Variants in CCDC14 observed in about 807,000 individuals in gnomAD.
The protein encoded by CCDC14 is coiled-coil domain containing 14.
In CCDC14, 71 loss-of-function variants were observed where a neutral mutation model predicts 81.4. The ratio of observed to expected loss-of-function variants is 0.87; its 90% CI spans 0.72 to 1.06. The LOEUF is 1.06. Ranked by LOEUF, CCDC14 falls within the 50% of genes least tolerant of loss-of-function variation. CCDC14 has a pLI of 0.00. For synonymous variants in CCDC14, 332 were observed against 364.8 expected (o/e 0.91, Z 1.03); for missense variants, 1,046 against 1,047.3 (o/e 1.00, Z 0.02).
At chr3:123,908,128 T>G (rs774024660) in intron 5 of CCDC14, among the ~76,000 whole-genome samples, 8 of 151,934 alleles carry the variant, frequency 5.3e-5, no homozygotes, top group Admixed American at 5.2e-4. Flanking sequence ...GATATTAGTA[T>G]GAAAGAAAGA....
intron 9 of CCDC14, among the ~76,000 whole-genome samples, chr3:123,943,790 AG>A (rs2036485409): frequency 6.6e-6 from 1 of 152,178 alleles, no homozygotes; most frequent in South Asian, 2.1e-4. Flanking sequence ...AGCTTTCTAG[AG>A]GGTGGTGCAC....
chr3:123,916,888 G>A (rs1463180979), intron 12 of CCDC14, among the ~76,000 whole-genome samples: 1 of 151,850 alleles, frequency 6.6e-6, no homozygotes, highest in Non-Finnish European at 1.5e-5. Flanking sequence ...CACCCAGGCT[G>A]GAGTGCAGTG....
chr3:123,905,514 A>G (rs2034288127), intron 5 of CCDC14, among the ~76,000 whole-genome samples: 1 of 152,112 alleles, frequency 6.6e-6, no homozygotes, highest in Non-Finnish European at 1.5e-5. Context: ...TCCCAATCCT[A>G]TGGGAGGAAG....
At chr3:123,900,562 G>A (rs947646878) in intron 5 of CCDC14, among the ~76,000 whole-genome samples, 1 of 152,190 alleles carries the variant, frequency 6.6e-6, no homozygotes, top group African/African-American at 2.4e-5. Flanking sequence ...CCAGCGACTG[G>A]ACGTTCTATC....
At chr3:123,955,738 T>A in intron 5 of CCDC14, 105 bp downstream of exon 5, 1 of 1,077,530 alleles carries the variant, frequency 9.3e-7, no homozygotes, top group Non-Finnish European at 1.3e-6. Flanking sequence ...TAAACCTAAC[T>A]AATACTGATT....
chr3:123,943,217 A>G (rs2036451627), intron 9 of CCDC14, among the ~76,000 whole-genome samples: 2 of 152,018 alleles, frequency 1.3e-5, no homozygotes, highest in Non-Finnish European at 2.9e-5. Flanking sequence ...TTATTTGTTA[A>G]GCAGTCAAAA....
intron 8 of CCDC14, 134 bp downstream of exon 8, chr3:123,946,669 G>C: frequency 2.4e-6 from 2 of 850,022 alleles, no homozygotes; most frequent in Non-Finnish European, 1.8e-6. Context: ...ACAATAAGTA[G>C]AACTCATTTT....
chr3:123,906,472 T>A (rs58980351), intron 5 of CCDC14, among the ~76,000 whole-genome samples: 19,562 of 145,030 alleles, frequency 0.13, 2,920 homozygotes, highest in East Asian at 0.48. Flanking sequence ...GGAAGTGTAA[T>A]AGAAATCATA....
At position 123,944,904 on chromosome 3, in the gene CCDC14, C is replaced by A; in HGVS notation, c.1288G>T (p.Val430Phe). 1 of 1,612,308 alleles carries A rather than the reference C, an allele frequency of 6.2e-7. No individual in the cohort carries two copies. ...PTVSGNTDIQ[V>F]EIALAMQPLR... ...GGTTGCATGGCCAGTGCTATCTCAA[C>A]TTGAATATCTGTGTTTCCACTTACT... The change falls in exon 9 of 13, where the codon GTT (valine) becomes TTT (phenylalanine). Residue 430 changes from valine (V) to phenylalanine (F), a missense_variant. Transcript: ENST00000409697.
intron 5 of CCDC14, among the ~76,000 whole-genome samples, chr3:123,907,191 G>A (rs1043100208): frequency 6.6e-6 from 1 of 152,074 alleles, no homozygotes; most frequent in African/African-American, 2.4e-5. Flanking sequence ...CTTTCTTGAT[G>A]ACTCTTTTTT....
chr3:123,930,241 T>C (rs1316386756), intron 12 of CCDC14, among the ~76,000 whole-genome samples: 1 of 152,238 alleles, frequency 6.6e-6, no homozygotes, highest in Non-Finnish European at 1.5e-5. Flanking sequence ...TATTACTGTT[T>C]CATTTGCTTC....
intron 5 of CCDC14, among the ~76,000 whole-genome samples, chr3:123,908,340 C>A (rs193262375): frequency 6.6e-6 from 1 of 152,242 alleles, no homozygotes; most frequent in Non-Finnish European, 1.5e-5. Context: ...CTAGGCCCTT[C>A]AAAGGCACAC....
At chr3:123,911,929 G>C (rs140321760), downstream of CCDC14, among the ~76,000 whole-genome samples, 74 of 152,246 alleles carry the variant, frequency 4.9e-4, no homozygotes, top group Middle Eastern at 3.4e-3. Context: ...AAAGGTTTCT[G>C]AAAGATTTAC....
At position 123,900,045 on chromosome 3, in the gene CCDC14, C is replaced by T. The variant is rs142769386; in HGVS notation, c.668-2432G>A. On this transcript the variant is annotated intron_variant, in intron 5 of 5. Transcript: ENST00000479903. Reference sequence around the variant, plus strand: ...TGTGTATCCTCAAATAGACTGCAAGCCTTTGAGGACAAGGACTAGGTCTGG... The same window carrying T: ...TGTGTATCCTCAAATAGACTGCAAGTCTTTGAGGACAAGGACTAGGTCTGG... Among the ~76,000 whole-genome samples the T allele has an allele frequency of 6.0e-4, 92 of 152,280 alleles. 2 individuals are homozygous for T. In the South Asian group the frequency reaches 0.011, roughly 18 times the overall value.
downstream of CCDC14, among the ~76,000 whole-genome samples, chr3:123,910,207 T>A (rs1032261903): frequency 1.3e-5 from 2 of 152,094 alleles, no homozygotes; most frequent in African/African-American, 4.8e-5. Context: ...AATGACAATG[T>A]GAATATTATT....
chr3:123,886,077 A>G, the CCDC14 span, among the ~76,000 whole-genome samples: 2 of 151,934 alleles, frequency 1.3e-5, no homozygotes, highest in Non-Finnish European at 2.9e-5. Context: ...AAATTGTCCC[A>G]TCTTTGGCCA....
chr3:123,914,943 C>T lies in CCDC14; in HGVS notation c.2554G>A (p.Asp852Asn). ...SLQVKGNTVCDGSVFTSDLMS... is the reference protein window; with the variant it reads ...SLQVKGNTVCNGSVFTSDLMS... ...AAGTCAGAAGTGAAAACACTACCATCACAGACAGTATTGCCTTTCACTTGA... is the reference window on the plus strand; with the variant it reads ...AAGTCAGAAGTGAAAACACTACCATTACAGACAGTATTGCCTTTCACTTGA... Residue 852 changes from aspartate to asparagine, a missense_variant, in exon 13 of 13, where the codon GAT (aspartate) becomes AAT (asparagine). Asp to Asn is a conservative substitution (Grantham distance 23). Coordinates refer to ENST00000409697, the MANE Select transcript of CCDC14 (RefSeq NM_001366335.1). 6.2e-7 allele frequency: 1 copy of T among 1,614,060 alleles called. No individual in the cohort carries two copies. The highest frequency in any genetic ancestry group is 2.2e-5 in the East Asian group (1 of 44,888).
intron 9 of CCDC14, among the ~76,000 whole-genome samples, chr3:123,934,287 A>AAAC (rs1302571453): frequency 2.0e-5 from 3 of 150,708 alleles, no homozygotes; most frequent in Non-Finnish European, 3.0e-5. Flanking sequence ...AAAAAAAAAA[A>AAAC]AAAAAAAACC....
Position 123,914,717 on chromosome 3 carries a change from C to T in CCDC14, c.*62G>A. 2 of 1,450,618 alleles carry T rather than the reference C, an allele frequency of 1.4e-6. No individual in the cohort carries two copies. The highest frequency in any genetic ancestry group is 2.9e-5 in the Admixed American group (1 of 34,698). The allele number at this position is 1,450,618 out of a possible 1,614,324, so 89.9% of individuals were successfully genotyped here. A position where few individuals can be genotyped will look rare whatever the true frequency, so the allele number is the denominator to read the frequency against. ...AACATCATTTCACTAAAGAAAAATA[C>T]ACATTCAATATAGCCAAGTTCTAGT... On this transcript the variant is annotated 3_prime_UTR_variant, in exon 13 of 13. Transcript: ENST00000409697.
Sources: gnomAD v4.1 joint callset for allele counts (sites outside exome capture counted in the v4.1 genomes callset) on GRCh38, gnomAD v4.1.1 for gene constraint, MANE v1.5 for transcripts, NCBI Gene and HGNC (gene_info 2026-07-23, HGNC 2026-07-21) for gene names.